ITGA8: variants seen among roughly 807,000 people sequenced by gnomAD.
ITGA8 encodes integrin subunit alpha 8.
ITGA8 carries 91 observed loss-of-function variants against 142.3 expected under a neutral mutation model. The observed-to-expected ratio is 0.64, with a 90% CI of 0.54 to 0.76. The LOEUF is 0.76. Ranked by LOEUF, ITGA8 falls within the 30% of genes least tolerant of loss-of-function variation. ITGA8 has a pLI of 0.00. For missense variants in ITGA8, 1,406 were observed against 1,327.7 expected (o/e 1.06, Z -0.92); for synonymous variants, 505 against 485.2 (o/e 1.04, Z -0.54).
intron 12 of ITGA8, among the ~76,000 whole-genome samples, chr10:15,645,106 A>G (rs1833955487): frequency 6.6e-6 from 1 of 151,034 alleles, no homozygotes; most frequent in Non-Finnish European, 1.5e-5. Context: ...AAAAAAAAAA[A>G]AAAAAAAAAA....
chr10:15,676,508 G>A (rs1485434596), intron 6 of ITGA8, among the ~76,000 whole-genome samples: 2 of 152,024 alleles, frequency 1.3e-5, no homozygotes, highest in East Asian at 1.9e-4. Flanking sequence ...GTGTATCACA[G>A]TTGGGGTTTC....
At chr10:15,590,639 G>GT (rs532824635) in intron 22 of ITGA8, among the ~76,000 whole-genome samples, 1 of 151,860 alleles carries the variant, frequency 6.6e-6, no homozygotes, top group Non-Finnish European at 1.5e-5. Flanking sequence ...GTTTGTTTTT[G>GT]TTTTTTTTCT....
At position 15,516,835 on chromosome 10, in the gene ITGA8, C is replaced by T. The variant is rs1832969717; in HGVS notation, c.*323G>A. The T allele has an allele frequency of 1.0e-5, 2 of 197,270 alleles. No homozygotes were observed. Among genetic ancestry groups the T allele is most frequent in the Middle Eastern group, 2.0e-3 (1 of 500 alleles). The allele number at this position is 197,270 out of a possible 1,614,324, so 12.2% of individuals were successfully genotyped here. Reference sequence around the variant, plus strand: ...AGACATTTCATCTCTGCAACTTATGCTGGATTGATCTGGACTGCAACTTAC... The same window carrying T: ...AGACATTTCATCTCTGCAACTTATGTTGGATTGATCTGGACTGCAACTTAC... On this transcript the variant is annotated 3_prime_UTR_variant, in exon 30 of 30. Coordinates refer to ENST00000378076, the MANE Select transcript of ITGA8 (RefSeq NM_003638.3).
At chr10:15,573,991 A>AT (rs927590769) in intron 24 of ITGA8, among the ~76,000 whole-genome samples, 1 of 151,922 alleles carries the variant, frequency 6.6e-6, no homozygotes, top group Non-Finnish European at 1.5e-5. Flanking sequence ...ATGTTTGTTT[A>AT]TTTTTTTATT....
At chr10:15,553,954 T>C (rs1833839470) in intron 26 of ITGA8, among the ~76,000 whole-genome samples, 1 of 151,850 alleles carries the variant, frequency 6.6e-6, no homozygotes, top group East Asian at 1.9e-4. Context: ...GACGGCACCA[T>C]TGCACTCTGG....
At chr10:15,688,805 A>G (rs959119089) in intron 2 of ITGA8, among the ~76,000 whole-genome samples, 1 of 152,228 alleles carries the variant, frequency 6.6e-6, no homozygotes, top group Non-Finnish European at 1.5e-5. Flanking sequence ...ATTTACTTTC[A>G]ACATAAAAAC....
At chr10:15,599,084 A>C in intron 20 of ITGA8, among the ~76,000 whole-genome samples, 1 of 3,056 alleles carries the variant, frequency 3.3e-4, no homozygotes, top group South Asian at 0.042. Flanking sequence ...TTCTATAGTA[A>C]ATTTTTTTTT....
intron 2 of ITGA8, among the ~76,000 whole-genome samples, chr10:15,692,478 T>C (rs925707959): frequency 6.6e-6 from 1 of 152,204 alleles, no homozygotes; most frequent in Non-Finnish European, 1.5e-5. Context: ...AGTTATTGAT[T>C]TCATATTGAA....
intron 27 of ITGA8, among the ~76,000 whole-genome samples, chr10:15,537,214 C>A (rs2131548088): frequency 6.6e-6 from 1 of 152,240 alleles, no homozygotes; most frequent in South Asian, 2.1e-4. Flanking sequence ...ATTAGGAGGG[C>A]AGAAAACGTT....
intron 2 of ITGA8, among the ~76,000 whole-genome samples, chr10:15,705,163 G>C (rs1027972071): frequency 5.3e-5 from 8 of 152,098 alleles, no homozygotes; most frequent in African/African-American, 1.9e-4. Flanking sequence ...AACAGGTAGG[G>C]CCATGCTATA....
chr10:15,552,692 A>AC (rs1321841270), intron 26 of ITGA8, among the ~76,000 whole-genome samples: 1 of 151,124 alleles, frequency 6.6e-6, no homozygotes, highest in African/African-American at 2.4e-5. Flanking sequence ...CTATCCCCTC[A>AC]CCCCCGGGCA....
intron 8 of ITGA8, among the ~76,000 whole-genome samples, chr10:15,671,345 A>T (rs1263504675): frequency 1.3e-5 from 2 of 152,190 alleles, no homozygotes; most frequent in South Asian, 4.1e-4. Flanking sequence ...TATATTTTTC[A>T]TTCATAACAT....
intron 13 of ITGA8, among the ~76,000 whole-genome samples, chr10:15,616,903 G>A (rs910022903): frequency 4.6e-5 from 7 of 152,114 alleles, no homozygotes; most frequent in African/African-American, 1.7e-4. Flanking sequence ...TGTCTGCTAG[G>A]TACCAGGCTC....
At chr10:15,529,254 G>A (rs771476308) in intron 28 of ITGA8, among the ~76,000 whole-genome samples, 1 of 152,216 alleles carries the variant, frequency 6.6e-6, no homozygotes, top group Non-Finnish European at 1.5e-5. Context: ...CTTAGCCAGA[G>A]AAGGGGAGAC....
intron 2 of ITGA8, among the ~76,000 whole-genome samples, chr10:15,691,929 C>T (rs533857623): frequency 2.0e-5 from 3 of 152,056 alleles, no homozygotes; most frequent in South Asian, 2.1e-4. Flanking sequence ...TTACATTGTA[C>T]ACGATAAATA....
At chr10:15,693,087 AAAAT>A (rs1312223031) in intron 2 of ITGA8, among the ~76,000 whole-genome samples, 2 of 152,298 alleles carry the variant, frequency 1.3e-5, no homozygotes, top group East Asian at 3.9e-4. Flanking sequence ...AAAATAAAAT[AAAAT>A]AAAGCAAAAC....
chr10:15,670,892 G>A (rs572799495), intron 8 of ITGA8, among the ~76,000 whole-genome samples: 4 of 151,988 alleles, frequency 2.6e-5, no homozygotes, highest in African/African-American at 4.8e-5. Flanking sequence ...TTCAACACCC[G>A]CATTTTCTAC....
chr10:15,618,470 T>C (rs1221790655), intron 13 of ITGA8, among the ~76,000 whole-genome samples: 1 of 152,204 alleles, frequency 6.6e-6, no homozygotes, highest in Non-Finnish European at 1.5e-5. Context: ...CCTTTGGCAC[T>C]CACCTTTTGC....
chr10:15,574,703 G>GTA (rs200553359), intron 24 of ITGA8, among the ~76,000 whole-genome samples: 112 of 100,872 alleles, frequency 1.1e-3, no homozygotes, highest in African/African-American at 2.9e-3. Flanking sequence ...TTATATATAT[G>GTA]TATATATATA....
Sources: allele counts gnomAD v4.1 joint callset (sites outside exome capture counted in the v4.1 genomes callset), GRCh38; gene constraint gnomAD v4.1.1; transcripts MANE v1.5; gene names NCBI Gene and HGNC (gene_info 2026-07-23, HGNC 2026-07-21).